The following SLC25A13 variants were observed in gnomAD, a reference collection of about 807,000 sequenced individuals.
The protein encoded by SLC25A13 is electrogenic aspartate/glutamate antiporter SLC25A13, mitochondrial.
SLC25A13 carries 70 observed loss-of-function variants against 85.5 expected under a neutral mutation model. The observed-to-expected ratio is 0.82, with a 90% CI of 0.68 to 1.00. SLC25A13 has a LOEUF of 1.00. SLC25A13 is among the 50% of genes least tolerant of loss of function. SLC25A13 has a pLI of 0.00. For synonymous variants in SLC25A13, 259 were observed against 288.7 expected (o/e 0.90, Z 1.04); for missense variants, 765 against 819.8 (o/e 0.93, Z 0.82).
At chr7:96,224,678 C>T (rs574829684) in intron 4 of SLC25A13, among the ~76,000 whole-genome samples, 62 of 152,308 alleles carry the variant, frequency 4.1e-4, no homozygotes, top group African/African-American at 1.4e-3. Context: ...AAGCCAGGTA[C>T]GTTCTCTTCC....
At chr7:96,281,794 T>C (rs961765969) in intron 2 of SLC25A13, among the ~76,000 whole-genome samples, 1 of 152,214 alleles carries the variant, frequency 6.6e-6, no homozygotes, top group African/African-American at 2.4e-5. Flanking sequence ...TATAAGAGCA[T>C]GTTAATCTGG....
chr7:96,147,140 A>C (rs1278953084), intron 13 of SLC25A13, among the ~76,000 whole-genome samples: 2 of 149,722 alleles, frequency 1.3e-5, no homozygotes, highest in East Asian at 3.9e-4. Context: ...CAGAACGGGG[A>C]CTAGGAGGAC....
intron 3 of SLC25A13, among the ~76,000 whole-genome samples, chr7:96,237,087 C>T (rs1432029211): frequency 6.6e-6 from 1 of 152,200 alleles, no homozygotes; most frequent in East Asian, 1.9e-4. Context: ...CAGCCAATCA[C>T]TAATCACTGT....
intron 11 of SLC25A13, among the ~76,000 whole-genome samples, chr7:96,174,803 C>G (rs180874481): frequency 2.6e-5 from 4 of 152,342 alleles, no homozygotes; most frequent in Admixed American, 6.5e-5. Context: ...ATTTATCCTT[C>G]TCACCATAAA....
At chr7:96,239,037 T>A (rs868392727) in intron 3 of SLC25A13, among the ~76,000 whole-genome samples, 1 of 130,904 alleles carries the variant, frequency 7.6e-6, no homozygotes, top group African/African-American at 3.0e-5. Flanking sequence ...ACTATATATT[T>A]TATATATATA....
At chr7:96,265,201 T>G (rs1280801592) in intron 3 of SLC25A13, among the ~76,000 whole-genome samples, 2 of 152,216 alleles carry the variant, frequency 1.3e-5, no homozygotes, top group African/African-American at 4.8e-5. Context: ...TGAGCACTTT[T>G]CAAACTATCT....
intron 15 of SLC25A13, among the ~76,000 whole-genome samples, chr7:96,124,232 T>C (rs1440293090): frequency 1.3e-5 from 2 of 152,238 alleles, no homozygotes; most frequent in African/African-American, 4.8e-5. Context: ...TTTTTATAAA[T>C]ATCCCATTTA....
At chr7:96,238,987 A>C (rs1796853570) in intron 3 of SLC25A13, among the ~76,000 whole-genome samples, 1 of 147,870 alleles carries the variant, frequency 6.8e-6, no homozygotes, top group Non-Finnish European at 1.5e-5. Flanking sequence ...CAAAGCTTAT[A>C]ATATATAAAG....
intron 11 of SLC25A13, among the ~76,000 whole-genome samples, chr7:96,171,943 C>T (rs191520481): frequency 2.8e-3 from 419 of 151,706 alleles, no homozygotes; most frequent in Non-Finnish European, 3.5e-3. Flanking sequence ...ATTTGTTCTT[C>T]TTAAAGAAAA....
chr7:96,229,461 A>T (rs778163865), intron 4 of SLC25A13, among the ~76,000 whole-genome samples: 22 of 152,136 alleles, frequency 1.4e-4, no homozygotes, highest in Non-Finnish European at 3.1e-4. Context: ...AGGGAATAAA[A>T]GCAGGCTGCC....
In SLC25A13 at chr7:96,189,591, C is replaced by G; in HGVS notation, c.838G>C (p.Glu280Gln). Residue 280 changes from glutamate (E) to glutamine (Q), a missense_variant, in exon 8 of 18, where the codon GAG becomes CAG. Coordinates refer to ENST00000265631, the MANE Select transcript of SLC25A13 (RefSeq NM_014251.3). ...AAAAAGCCAACTTACCCCCTTGGCTCATATAAATCTGCTAACTGAAACAAG... is the reference window on the plus strand; with the variant it reads ...AAAAAGCCAACTTACCCCCTTGGCTGATATAAATCTGCTAACTGAAACAAG... ...DILFQLADLY[E>Q]PRGRMTLADI... The G allele has an allele frequency of 6.2e-7, 1 of 1,602,144 alleles. No individual in the cohort carries two copies. The highest frequency in any genetic ancestry group is 8.5e-7 in the Non-Finnish European group (1 of 1,174,100).
chr7:96,156,973 A>G (rs188747544), intron 13 of SLC25A13, among the ~76,000 whole-genome samples: 1 of 152,352 alleles, frequency 6.6e-6, no homozygotes, highest in East Asian at 1.9e-4. Flanking sequence ...TCAAGATAGG[A>G]GCAATGGGTG....
intron 3 of SLC25A13, among the ~76,000 whole-genome samples, chr7:96,240,947 C>G (rs1241001439): frequency 8.9e-6 from 1 of 112,532 alleles, no homozygotes. Context: ...ATGGCAGAAT[C>G]CAGGGAAGAG....
At chr7:96,157,939 A>G (rs1400252203) in intron 13 of SLC25A13, among the ~76,000 whole-genome samples, 1 of 152,244 alleles carries the variant, frequency 6.6e-6, no homozygotes, top group Admixed American at 6.5e-5. Flanking sequence ...CACTAAAATC[A>G]TAATATACTT....
chr7:96,155,578 T>G (rs1160816933), intron 13 of SLC25A13, among the ~76,000 whole-genome samples: 1 of 152,172 alleles, frequency 6.6e-6, no homozygotes, highest in Non-Finnish European at 1.5e-5. Context: ...GATCCCTTTC[T>G]GGAAGGATGT....
rs1423934862 is a variant in SLC25A13 at position 96,198,411 on chromosome 7, A to G, written c.469-5228T>C. ...CTGAACTAGCCACAGGAACGGAAAA[A>G]TGAACATCAGCCAGGATGGAGGATA... On this transcript the variant is annotated intron_variant, in intron 5 of 17. Transcript: ENST00000265631. Among the ~76,000 whole-genome samples, 3 of 152,360 alleles carry G rather than the reference A, an allele frequency of 2.0e-5. No homozygotes were observed. In the East Asian group the frequency reaches 5.8e-4, roughly 29 times the overall value.
rs771836656 is a variant in SLC25A13, at chr7:96,121,091, A to T, written c.*100T>A. On this transcript the variant is annotated 3_prime_UTR_variant, in exon 18 of 18. Transcript: ENST00000265631. Reference sequence around the variant, plus strand: ...AAGCCTGGACTTGAATTTAAACAAGAGATGGACGTAAAAGGGATGAAGCAT... The same window carrying T: ...AAGCCTGGACTTGAATTTAAACAAGTGATGGACGTAAAAGGGATGAAGCAT... The T allele has an allele frequency of 6.2e-6, 8 of 1,294,922 alleles. No homozygotes were observed. The Admixed American group carries it at 1.4e-4, about 22-fold the overall frequency. 80.2% of individuals were successfully genotyped at this position (1,294,922 alleles called of 1,614,324 possible).
At chr7:96,300,092 T>C (rs1291524269) in intron 1 of SLC25A13, among the ~76,000 whole-genome samples, 1 of 152,172 alleles carries the variant, frequency 6.6e-6, no homozygotes, top group African/African-American at 2.4e-5. Context: ...TAACAGTGTG[T>C]AGTGTCTGTC....
At chr7:96,171,547 A>T (rs1442585545) in intron 11 of SLC25A13, 23 bp from the exon 12 acceptor site, 1 of 1,595,758 alleles carries the variant, frequency 6.3e-7, no homozygotes, top group Non-Finnish European at 8.6e-7. Context: ...AAAAAGTAGA[A>T]GTATATTAAA....
Sources: gnomAD v4.1 joint callset for allele counts (sites outside exome capture counted in the v4.1 genomes callset) on GRCh38, gnomAD v4.1.1 for gene constraint, MANE v1.5 for transcripts, NCBI Gene and HGNC (gene_info 2026-07-23, HGNC 2026-07-21) for gene names.